The following NAALADL2 variants were observed in gnomAD, a reference collection of about 807,000 sequenced individuals.
The protein encoded by NAALADL2 is inactive N-acetylated-alpha-linked acidic dipeptidase-like protein 2.
A neutral mutation model predicts 87.2 loss-of-function variants in NAALADL2; 76 were observed. The observed-to-expected ratio is 0.87, with a 90% CI of 0.72 to 1.05. The LOEUF is 1.05. Ranked by LOEUF, NAALADL2 falls within the 50% of genes least tolerant of loss-of-function variation. The pLI, the probability that NAALADL2 is intolerant of heterozygous loss-of-function variation, is 0.00. For missense variants in NAALADL2, 1,089 were observed against 945.8 expected, an observed-to-expected ratio of 1.15 and a Z score of -1.99; for synonymous variants, 354 against 331.0, an observed-to-expected ratio of 1.07 and a Z score of -0.75.
chr3:174,613,131 C>T (rs543712566), intron 2 of NAALADL2, among the ~76,000 whole-genome samples: 3 of 152,322 alleles, frequency 2.0e-5, no homozygotes, highest in Admixed American at 2.0e-4. Context: ...ATTAGTTTCT[C>T]CCCATCAAAT....
intron 6 of NAALADL2, among the ~76,000 whole-genome samples, chr3:175,447,749 C>G (rs968074079): frequency 6.6e-6 from 1 of 152,174 alleles, no homozygotes; most frequent in East Asian, 1.9e-4. Context: ...GGTATGAAGT[C>G]TTTTAGTATA....
chr3:174,688,839 GT>G (rs1325239788), intron 2 of NAALADL2, among the ~76,000 whole-genome samples: 1 of 152,090 alleles, frequency 6.6e-6, no homozygotes, highest in African/African-American at 2.4e-5. Flanking sequence ...TTAAAAGTAT[GT>G]TTTTGTTCTT....
rs1229041843 is a variant in NAALADL2, at chr3:175,806,573, CATT to C, written c.*3373_*3375del. 2.6e-5 allele frequency: 4 copies of C among 151,302 alleles called. No individual in the cohort carries two copies. The highest frequency in any genetic ancestry group is 9.7e-5 in the African/African-American group (4 of 41,254). The allele number at this position is 151,302 out of a possible 1,614,324, so 9.4% of individuals were successfully genotyped here. A position where few individuals can be genotyped will look rare whatever the true frequency, so the allele number is the denominator to read the frequency against. On this transcript the variant is annotated 3_prime_UTR_variant, in exon 14 of 14. Coordinates refer to ENST00000454872, the MANE Select transcript of NAALADL2 (RefSeq NM_207015.3). Reference sequence around the variant, plus strand: ...CGTAAAGATTTGTTATTAATGGAATCATTATGAGAAAAGAAAAGTGGACCCATT... The same window carrying C: ...CGTAAAGATTTGTTATTAATGGAATCATGAGAAAAGAAAAGTGGACCCATT...
rs754412056 is a variant in NAALADL2 at position 175,495,092 on chromosome 3, A to ATATATT, written c.1653+23335_1653+23336insATATTT. Among the ~76,000 whole-genome samples, 434 of 136,490 alleles carry ATATATT rather than the reference A, an allele frequency of 3.2e-3. 1 individual carries two copies. Among genetic ancestry groups the ATATATT allele is most frequent in the East Asian group, 0.012 (57 of 4,672 alleles). 89.5% of individuals were successfully genotyped at this position (136,490 alleles called of 152,430 possible). ...CAATCCCATATATATATATATATAT[A>ATATATT]TTTTTTTTTAATTTTAGATTATTTC... On this transcript the variant is annotated intron_variant, in intron 9 of 13. Coordinates refer to ENST00000454872, the MANE Select transcript of NAALADL2 (RefSeq NM_207015.3).
At chr3:174,573,877 A>C (rs577099565) in intron 2 of NAALADL2, among the ~76,000 whole-genome samples, 1 of 152,244 alleles carries the variant, frequency 6.6e-6, no homozygotes, top group Non-Finnish European at 1.5e-5. Flanking sequence ...GGTGAAACTA[A>C]ATGTACCATA....
At chr3:175,459,410 A>C (rs1483296361) in intron 6 of NAALADL2, among the ~76,000 whole-genome samples, 1 of 151,998 alleles carries the variant, frequency 6.6e-6, no homozygotes, top group Admixed American at 6.6e-5. Flanking sequence ...AGATCCAGAG[A>C]GGCGTAGAAA....
At chr3:175,021,493 A>C (rs1751558739) in intron 1 of NAALADL2, among the ~76,000 whole-genome samples, 2 of 152,092 alleles carry the variant, frequency 1.3e-5, no homozygotes, top group South Asian at 4.1e-4. Flanking sequence ...CATAGTATGA[A>C]AAATCACAGA....
chr3:174,569,583 C>T (rs1020487973), intron 2 of NAALADL2, among the ~76,000 whole-genome samples: 6 of 152,152 alleles, frequency 3.9e-5, no homozygotes, highest in Admixed American at 6.6e-5. Flanking sequence ...TGTCTAATAA[C>T]TTTGATCAGG....
At chr3:174,841,225 A>T (rs1324952192) in intron 3 of NAALADL2, among the ~76,000 whole-genome samples, 1 of 152,162 alleles carries the variant, frequency 6.6e-6, no homozygotes, top group African/African-American at 2.4e-5. Context: ...TTGAAACCAA[A>T]CCACTTAGTG....
In NAALADL2 at chr3:175,421,821, A is replaced by G. The variant is rs144837239; in HGVS notation, c.1091-25408A>G. Among the ~76,000 whole-genome samples the G allele has an allele frequency of 3.3e-4, 50 of 152,182 alleles. No homozygotes were observed. In the East Asian group the frequency reaches 9.5e-3, roughly 29 times the overall value. ...TGCTACTTTTGTTGCATTATTTAGG[A>G]GGCCTTTGATAGAGAAGATAACATT... On this transcript the variant is annotated intron_variant, in intron 5 of 13. Coordinates refer to ENST00000454872, the MANE Select transcript of NAALADL2 (RefSeq NM_207015.3).
rs1054001839 is a variant in NAALADL2, at chr3:174,769,365, T to C, written c.-9+31619T>C. Among the ~76,000 whole-genome samples, 4 of 152,068 alleles carry C rather than the reference T, an allele frequency of 2.6e-5. No individual in the cohort carries two copies. The East Asian group carries it at 7.7e-4, about 29-fold the overall frequency. On this transcript the variant is annotated intron_variant, in intron 3 of 3. Coordinates refer to the NAALADL2 transcript ENST00000434257. ...GTTAAATCTTAGTCATGTTTTAGCA[T>C]ATTTGTGAAAGAATTTCCTGCCTGT...
At chr3:174,817,045 T>C (rs1188507604) in intron 3 of NAALADL2, among the ~76,000 whole-genome samples, 1 of 152,224 alleles carries the variant, frequency 6.6e-6, no homozygotes, top group Non-Finnish European at 1.5e-5. Flanking sequence ...TTAAAGCAGC[T>C]AAATTTGACT....
In NAALADL2 at chr3:175,088,903, G is replaced by A. The variant is rs1055600411; in HGVS notation, c.44-7887G>A. Among the ~76,000 whole-genome samples the A allele has an allele frequency of 5.9e-4, 90 of 152,220 alleles. 2 individuals carry two copies. Among genetic ancestry groups the A allele is most frequent in the Non-Finnish European group, 1.0e-4 (7 of 68,050 alleles). The stretch of plus-strand genomic sequence containing the variant: ...CAGTGTAAACTACACATAGTAGGGA[G>A]TGGACAGGATGAGCCAAAGGGTTTT... On this transcript the variant is annotated intron_variant, in intron 1 of 13. Transcript: ENST00000454872.
intron 5 of NAALADL2, among the ~76,000 whole-genome samples, chr3:175,364,848 A>C (rs555638485): frequency 1.4e-5 from 2 of 147,994 alleles, no homozygotes; most frequent in Non-Finnish European, 3.0e-5. Flanking sequence ...ATCACAAGTT[A>C]GTCAGTGGAG....
chr3:175,398,998 G>A (rs1389084070), intron 5 of NAALADL2, among the ~76,000 whole-genome samples: 1 of 151,788 alleles, frequency 6.6e-6, no homozygotes, highest in South Asian at 2.1e-4. Context: ...TCGAAAGTAA[G>A]AGGAGGAATG....
chr3:175,415,640 A>G (rs1460211100), intron 5 of NAALADL2, among the ~76,000 whole-genome samples: 1 of 152,152 alleles, frequency 6.6e-6, no homozygotes, highest in Non-Finnish European at 1.5e-5. Flanking sequence ...TAATCTTCTA[A>G]ACTTATGAAA....
chr3:174,884,943 T>C (rs1729887610), intron 1 of NAALADL2, among the ~76,000 whole-genome samples: 1 of 152,084 alleles, frequency 6.6e-6, no homozygotes, highest in South Asian at 2.1e-4. Context: ...GGAAACTGCC[T>C]CAGGGGAGGC....
At chr3:174,523,614 A>G (rs750370519) in intron 1 of NAALADL2, 14 of 152,198 alleles carry the variant, frequency 9.2e-5, no homozygotes, top group Non-Finnish European at 1.8e-4. Flanking sequence ...ATGGAATTAC[A>G]TGAAAAATAA....
intron 1 of NAALADL2, among the ~76,000 whole-genome samples, chr3:174,954,479 T>C (rs939857534): frequency 6.6e-6 from 1 of 152,082 alleles, no homozygotes. Flanking sequence ...AACCTCAGGA[T>C]ATCCTATGAA....
Sources: gnomAD v4.1 joint callset for allele counts (sites outside exome capture counted in the v4.1 genomes callset) on GRCh38, gnomAD v4.1.1 for gene constraint, MANE v1.5 for transcripts, NCBI Gene and HGNC (gene_info 2026-07-23, HGNC 2026-07-21) for gene names.